The following RAP2A variants were observed in gnomAD, a reference collection of about 807,000 sequenced individuals.
RAP2A encodes the protein ras-related protein Rap-2a.
Under a neutral mutation model 15.1 loss-of-function variants are expected in RAP2A, and 5 were observed. The observed-to-expected ratio is 0.33, with a 90% CI of 0.17 to 0.70. RAP2A has a LOEUF of 0.70. Among genes scored for constraint, RAP2A ranks in the 30% least tolerant of loss-of-function variants. RAP2A has a pLI of 0.68. For missense variants in RAP2A, 111 were observed against 240.3 expected (o/e 0.46, Z 3.56); for synonymous variants, 110 against 99.7 (o/e 1.10, Z -0.62).
At position 97,464,489 on chromosome 13, in the gene RAP2A, T is replaced by C. The variant is rs1179614442; in HGVS notation, c.*47T>C. On this transcript the variant is annotated 3_prime_UTR_variant, in exon 2 of 2. Coordinates refer to ENST00000245304, the MANE Select transcript of RAP2A (RefSeq NM_021033.7). Reference sequence around the variant, plus strand: ...GATGGGATTTGCCCAATGTCGTAGGTGATAGAAAACTCGCCTACTCCACTG... The same window carrying C: ...GATGGGATTTGCCCAATGTCGTAGGCGATAGAAAACTCGCCTACTCCACTG... 2.5e-6 allele frequency: 4 copies of C among 1,573,802 alleles called. No individual in the cohort carries two copies. The highest frequency in any genetic ancestry group is 3.5e-6 in the Non-Finnish European group (4 of 1,145,020).
intron 1 of RAP2A, among the ~76,000 whole-genome samples, chr13:97,450,851 A>G (rs189306927): frequency 3.5e-4 from 53 of 152,326 alleles, no homozygotes; most frequent in African/African-American, 1.2e-3. Flanking sequence ...CTTTTTCTTA[A>G]CATGGATTTT....
chr13:97,449,056 G>C (rs1198319424), intron 1 of RAP2A, among the ~76,000 whole-genome samples: 1 of 152,092 alleles, frequency 6.6e-6, no homozygotes, highest in East Asian at 1.9e-4. Context: ...GGGTCTGTCA[G>C]GAGCTAGTTT....
intron 1 of RAP2A, among the ~76,000 whole-genome samples, chr13:97,436,982 T>C (rs1429617018): frequency 6.6e-6 from 1 of 152,242 alleles, no homozygotes; most frequent in Non-Finnish European, 1.5e-5. Flanking sequence ...AGGTGGCCTC[T>C]TCTTTACCAG....
intron 1 of RAP2A, among the ~76,000 whole-genome samples, chr13:97,450,009 AT>A (rs774961783): frequency 2.0e-5 from 3 of 151,564 alleles, no homozygotes; most frequent in Non-Finnish European, 2.9e-5. Context: ...GTACTGAGTG[AT>A]TTAGAAATGA....
chr13:97,462,737 C>T (rs937017355), intron 1 of RAP2A, among the ~76,000 whole-genome samples: 5 of 152,174 alleles, frequency 3.3e-5, no homozygotes, highest in Non-Finnish European at 1.5e-5. Context: ...TCATGTTTCA[C>T]ATTGCCAAAT....
At chr13:97,449,965 G>GTT (rs897670375) in intron 1 of RAP2A, among the ~76,000 whole-genome samples, 12 of 144,360 alleles carry the variant, frequency 8.3e-5, no homozygotes, top group African/African-American at 3.0e-4. Flanking sequence ...AGTGTTTGGG[G>GTT]TTTTTTTTTT....
rs186452641 is a variant in RAP2A, at chr13:97,456,866, G to A, written c.315-7339G>A. The stretch of plus-strand genomic sequence containing the variant: ...CCCTTTTAAGATGAAATATTTAGTC[G>A]CTTCAAAACAAGTCAGGTTGGAGGA... On this transcript the variant is annotated intron_variant, in intron 1 of 1. Coordinates refer to ENST00000245304, the MANE Select transcript of RAP2A (RefSeq NM_021033.7). 4.0e-3 allele frequency among the ~76,000 whole-genome samples: 610 copies of A among 152,104 alleles called. 7 individuals carry two copies. Among genetic ancestry groups the A allele is most frequent in the African/African-American group, 0.014 (576 of 41,496 alleles).
intron 1 of RAP2A, among the ~76,000 whole-genome samples, chr13:97,462,989 A>G (rs189805729): frequency 1.0e-4 from 14 of 136,208 alleles, no homozygotes; most frequent in East Asian, 6.1e-4. Context: ...AGGCTTGACC[A>G]TGGGGTGGTT....
At chr13:97,452,294 G>T (rs1262062768) in intron 1 of RAP2A, among the ~76,000 whole-genome samples, 1 of 150,856 alleles carries the variant, frequency 6.6e-6, no homozygotes, top group Admixed American at 6.6e-5. Flanking sequence ...TAATTTGTAC[G>T]GGTGGTGTGA....
At chr13:97,443,365 T>C (rs1183680795) in intron 1 of RAP2A, among the ~76,000 whole-genome samples, 1 of 152,254 alleles carries the variant, frequency 6.6e-6, no homozygotes, top group African/African-American at 2.4e-5. Flanking sequence ...TAAGTATCTT[T>C]ACAGCTCTCT....
intron 1 of RAP2A, 116 bp from the exon 2 acceptor site, chr13:97,464,089 T>G (rs1259938038): frequency 3.4e-6 from 3 of 876,642 alleles, no homozygotes; most frequent in Non-Finnish European, 5.4e-6. Context: ...ATCATTTTCA[T>G]GCAACTGAAG....
chr13:97,450,493 G>C (rs1275632077), intron 1 of RAP2A, among the ~76,000 whole-genome samples: 1 of 152,004 alleles, frequency 6.6e-6, no homozygotes, highest in Non-Finnish European at 1.5e-5. Flanking sequence ...CCGAGCTTCA[G>C]TTTTCCTTAC....
intron 1 of RAP2A, among the ~76,000 whole-genome samples, chr13:97,446,968 A>C (rs1290444277): frequency 1.3e-5 from 2 of 152,240 alleles, no homozygotes; most frequent in African/African-American, 4.8e-5. Context: ...AGTTTTATGC[A>C]GCAGTAGTTA....
chr13:97,458,668 T>G (rs1203951470), intron 1 of RAP2A, among the ~76,000 whole-genome samples: 1 of 152,218 alleles, frequency 6.6e-6, no homozygotes, highest in Non-Finnish European at 1.5e-5. Flanking sequence ...TCACTATCTT[T>G]AAAAGAATTC....
In RAP2A at chr13:97,449,054, C is replaced by CA. The variant is rs2066691325; in HGVS notation, c.314+14271dup. On this transcript the variant is annotated intron_variant, in intron 1 of 1. Coordinates refer to ENST00000245304, the MANE Select transcript of RAP2A (RefSeq NM_021033.7). Reference sequence around the variant, plus strand: ...AGCATAGTAAGTTGCAGGGGTCTGTCAGGAGCTAGTTTAAGCCAACAAAGT... The same window carrying CA: ...AGCATAGTAAGTTGCAGGGGTCTGTCAAGGAGCTAGTTTAAGCCAACAAAGT... Among the ~76,000 whole-genome samples, 5 of 152,188 alleles carry CA rather than the reference C, an allele frequency of 3.3e-5. No individual in the cohort carries two copies. The South Asian group carries it at 1.0e-3, about 32-fold the overall frequency.
intron 1 of RAP2A, among the ~76,000 whole-genome samples, chr13:97,460,625 C>T (rs1325455493): frequency 6.6e-6 from 1 of 152,146 alleles, no homozygotes. Flanking sequence ...TTCCCTTCAG[C>T]GTCTCACCCA....
chr13:97,444,141 C>T (rs868236238), intron 1 of RAP2A, among the ~76,000 whole-genome samples: 1 of 152,158 alleles, frequency 6.6e-6, no homozygotes, highest in Non-Finnish European at 1.5e-5. Context: ...GCTTTCTCCT[C>T]TGTGTTTTAA....
At position 97,464,648 on chromosome 13, in the gene RAP2A, G is replaced by T; in HGVS notation, c.*206G>T. On this transcript the variant is annotated 3_prime_UTR_variant, in exon 2 of 2. Coordinates refer to ENST00000245304, the MANE Select transcript of RAP2A (RefSeq NM_021033.7). ...CTACAGTTTTCACCATTTGTCCTCA[G>T]TCTCCTTTATGCATCTGCAACTTTA... 3 of 591,196 alleles carry T rather than the reference G, an allele frequency of 5.1e-6. No individual in the cohort carries two copies. The allele number at this position is 591,196 out of a possible 1,614,324, so 36.6% of individuals were successfully genotyped here.
intron 1 of RAP2A, among the ~76,000 whole-genome samples, chr13:97,454,880 A>T (rs2066716474): frequency 6.6e-6 from 1 of 151,286 alleles, no homozygotes; most frequent in Non-Finnish European, 1.5e-5. Context: ...ATTTTTGCTG[A>T]TACAGTATTC....
Sources: allele counts gnomAD v4.1 joint callset (sites outside exome capture counted in the v4.1 genomes callset), GRCh38; gene constraint gnomAD v4.1.1; transcripts MANE v1.5; gene names NCBI Gene and HGNC (gene_info 2026-07-23, HGNC 2026-07-21).